ARHGAP6: variants seen among roughly 807,000 people sequenced by gnomAD.
ARHGAP6 encodes the protein Rho GTPase activating protein 6.
A neutral mutation model predicts 55.7 loss-of-function variants in ARHGAP6; 16 were observed. The ratio of observed to expected loss-of-function variants is 0.29; its 90% confidence interval spans 0.19 to 0.44. ARHGAP6 has a LOEUF of 0.44. Ranked by LOEUF, ARHGAP6 falls within the 20% of genes least tolerant of loss-of-function variation. The pLI is 1.00. For synonymous variants in ARHGAP6, 382 were observed against 360.9 expected (o/e 1.06, Z -0.66); for missense variants, 698 against 808.9 (o/e 0.86, Z 1.66).
chrX:11,345,918 T>C (rs1411793423), intron 1 of ARHGAP6, among the ~76,000 whole-genome samples: 1 of 111,016 alleles, frequency 9.0e-6, no homozygotes. Flanking sequence ...ATGGTAGCAA[T>C]GGGGACATTT....
chrX:11,393,505 GTTCTA>G (rs1207769582), intron 1 of ARHGAP6, among the ~76,000 whole-genome samples: 7 of 111,688 alleles, frequency 6.3e-5, no homozygotes, highest in Non-Finnish European at 9.4e-5. Context: ...TATATGATGT[GTTCTA>G]TTCTGTTGTG....
chrX:11,214,306 T>C (rs2046847216), intron 2 of ARHGAP6, among the ~76,000 whole-genome samples: 1 of 110,357 alleles, frequency 9.1e-6, no homozygotes, highest in African/African-American at 3.3e-5. Flanking sequence ...CACATACATA[T>C]ATATATTTTT....
intron 1 of ARHGAP6, among the ~76,000 whole-genome samples, chrX:11,557,483 C>CAA (rs113833524): frequency 2.0e-3 from 178 of 88,141 alleles, no homozygotes; most frequent in African/African-American, 5.5e-3. Flanking sequence ...TTCTGAAAGG[C>CAA]AAAAAAAAAA....
intron 1 of ARHGAP6, among the ~76,000 whole-genome samples, chrX:11,401,505 T>C (rs1047957478): frequency 9.0e-6 from 1 of 111,316 alleles, no homozygotes; most frequent in Non-Finnish European, 1.9e-5. Context: ...CTCTGACCTC[T>C]ACTTGCTTAT....
At chrX:11,574,878 T>C (rs1037982980) in intron 1 of ARHGAP6, among the ~76,000 whole-genome samples, 1 of 111,687 alleles carries the variant, frequency 9.0e-6, no homozygotes, top group Admixed American at 9.5e-5. Context: ...TTCAGCAAAG[T>C]CTCAGGGTAA....
intron 1 of ARHGAP6, among the ~76,000 whole-genome samples, chrX:11,645,534 C>A (rs1372026777): frequency 8.9e-6 from 1 of 111,951 alleles, no homozygotes; most frequent in African/African-American, 3.2e-5. Context: ...TATTTTAAGT[C>A]ATTGTCTCAG....
At chrX:11,293,272 C>G (rs1313160557) in intron 1 of ARHGAP6, 1 of 112,190 alleles carries the variant, frequency 8.9e-6, no homozygotes, top group Non-Finnish European at 1.9e-5. Context: ...CAACATACAG[C>G]CTTATGTCTG....
chrX:11,233,347 G>C (rs2047159117), intron 2 of ARHGAP6, among the ~76,000 whole-genome samples: 1 of 111,527 alleles, frequency 9.0e-6, no homozygotes, highest in Non-Finnish European at 1.9e-5. Context: ...CTGATGTCCT[G>C]CTAATGCGCA....
chrX:11,356,326 C>A (rs1318380351), intron 1 of ARHGAP6, among the ~76,000 whole-genome samples: 1 of 110,955 alleles, frequency 9.0e-6, no homozygotes, highest in African/African-American at 3.3e-5. Context: ...GGGCTTAAAA[C>A]CTAGATGACA....
chrX:11,271,008 G>A (rs2047686584), intron 1 of ARHGAP6, among the ~76,000 whole-genome samples: 2 of 111,720 alleles, frequency 1.8e-5, no homozygotes, highest in South Asian at 7.5e-4. Flanking sequence ...TACTTATTTT[G>A]TAGCTGCTCC....
At chrX:11,603,488 T>C (rs779565852) in intron 1 of ARHGAP6, among the ~76,000 whole-genome samples, 14 of 111,792 alleles carry the variant, frequency 1.3e-4, no homozygotes, top group Non-Finnish European at 2.1e-4. Flanking sequence ...GTATGTGCAG[T>C]GTTTACAGAT....
intron 2 of ARHGAP6, among the ~76,000 whole-genome samples, chrX:11,249,021 T>C (rs2047388374): frequency 8.9e-6 from 1 of 111,977 alleles, no homozygotes; most frequent in Non-Finnish European, 1.9e-5. Flanking sequence ...CCAACCCAAA[T>C]GCCCATCACT....
At chrX:11,559,586 G>GGTTTAATAACTATTTAAGAGGCA (rs1171236527) in intron 1 of ARHGAP6, among the ~76,000 whole-genome samples, 8 of 111,563 alleles carry the variant, frequency 7.2e-5, no homozygotes, top group African/African-American at 2.0e-4. Flanking sequence ...GAACATAACA[G>GGTTTAATAACTATTTAAGAGGCA]GTTTAATAAC....
In ARHGAP6 at chrX:11,137,634, C is replaced by T. The variant is rs1391817933; in HGVS notation, c.*1229G>A. 9.9e-6 allele frequency: 1 copy of T among 101,280 alleles called. No homozygotes were observed. Among genetic ancestry groups the T allele is most frequent in the Non-Finnish European group, 2.0e-5 (1 of 49,247 alleles). 8.3% of individuals were successfully genotyped at this position (101,280 alleles called of 1,213,427 possible). A position where few individuals can be genotyped will look rare whatever the true frequency, so the allele number is the denominator to read the frequency against. On this transcript the variant is annotated 3_prime_UTR_variant, in exon 13 of 13. Transcript: ENST00000337414. ...TCACCAACATGAAAATTAAGAGTAG[C>T]ATGTTTTATAAAAAAAAAAAAAATC... is the stretch of plus-strand genomic sequence containing the variant.
intron 1 of ARHGAP6, among the ~76,000 whole-genome samples, chrX:11,378,831 T>C (rs1051966663): frequency 1.8e-5 from 2 of 112,720 alleles, no homozygotes; most frequent in African/African-American, 6.4e-5. Flanking sequence ...CAGCACTCTC[T>C]ATCCAGTTTT....
chrX:11,640,243 G>A (rs191393369), intron 1 of ARHGAP6, among the ~76,000 whole-genome samples: 6 of 111,660 alleles, frequency 5.4e-5, no homozygotes, highest in African/African-American at 1.6e-4. Flanking sequence ...TTGATTCAAT[G>A]TCCATTGCTC....
At chrX:11,398,262 T>TAAAAAAAAAAAAAAAAAAAAAAAAAA (rs60548732) in intron 1 of ARHGAP6, among the ~76,000 whole-genome samples, 1 of 58,835 alleles carries the variant, frequency 1.7e-5, no homozygotes. Context: ...GTAAGTGCTA[T>TAAAAAAAAAAAAAAAAAAAAAAAAAA]AAAAAAAAAA....
chrX:11,141,552 C>A (rs901615463), intron 12 of ARHGAP6, among the ~76,000 whole-genome samples: 6 of 112,198 alleles, frequency 5.3e-5, no homozygotes, highest in Admixed American at 9.4e-5. Context: ...GAAAGAAATG[C>A]AAATCAAATT....
At chrX:11,312,218 G>C (rs2048309935) in intron 1 of ARHGAP6, among the ~76,000 whole-genome samples, 1 of 111,987 alleles carries the variant, frequency 8.9e-6, no homozygotes, top group South Asian at 3.7e-4. Context: ...AGATTAAGTA[G>C]TTTAGTTCAG....
Sources: gnomAD v4.1 joint callset for allele counts (sites outside exome capture counted in the v4.1 genomes callset) on GRCh38, gnomAD v4.1.1 for gene constraint, MANE v1.5 for transcripts, NCBI Gene and HGNC (gene_info 2026-07-23, HGNC 2026-07-21) for gene names.